Variants in KCNT2 observed in about 807,000 individuals in gnomAD.
KCNT2 encodes the protein potassium sodium-activated channel subfamily T member 2.
A neutral mutation model predicts 153.8 loss-of-function variants in KCNT2; 67 were observed. That is an observed-to-expected ratio of 0.44 (90% CI 0.36 to 0.53). KCNT2 has a LOEUF of 0.53. Among genes scored for constraint, KCNT2 ranks in the 20% least tolerant of loss-of-function variants. The pLI is 0.00. For synonymous variants in KCNT2, 500 were observed against 458.8 expected (o/e 1.09, Z -1.15); for missense variants, 975 against 1,354.8 (o/e 0.72, Z 4.40).
intron 14 of KCNT2, among the ~76,000 whole-genome samples, chr1:196,369,059 T>C (rs1668280571): frequency 6.6e-6 from 1 of 152,168 alleles, no homozygotes; most frequent in Admixed American, 6.6e-5. Context: ...TTATCAATTC[T>C]CTCTTTTTCT....
At chr1:196,536,220 G>A (rs1227804934) in intron 1 of KCNT2, among the ~76,000 whole-genome samples, 3 of 152,234 alleles carry the variant, frequency 2.0e-5, no homozygotes, top group African/African-American at 7.2e-5. Flanking sequence ...CCCCATACCT[G>A]GTGGAGAAAG....
intron 12 of KCNT2, among the ~76,000 whole-genome samples, chr1:196,420,112 T>G (rs1015287925): frequency 6.6e-6 from 1 of 152,030 alleles, no homozygotes; most frequent in Non-Finnish European, 1.5e-5. Context: ...TTCTTCATTC[T>G]TCAATGTTCT....
At chr1:196,302,323 T>C (rs776803090) in intron 22 of KCNT2, among the ~76,000 whole-genome samples, 2 of 152,068 alleles carry the variant, frequency 1.3e-5, no homozygotes, top group South Asian at 2.1e-4. Flanking sequence ...ATATTACTGA[T>C]TAAAAAAAAA....
chr1:196,599,187 G>A lies in KCNT2; in HGVS notation c.95+9028C>T, dbSNP rs549710513. On this transcript the variant is annotated intron_variant, in intron 1 of 27. Transcript: ENST00000294725. The stretch of plus-strand genomic sequence containing the variant: ...TTTGACAGACTTGAGACAGCAGGCT[G>A]TCCATTATTAAACTAGACATCTGGA... 1.4e-4 allele frequency among the ~76,000 whole-genome samples: 22 copies of A among 152,346 alleles called. 1 individual carries two copies. The South Asian group carries it at 3.9e-3, about 27-fold the overall frequency.
At chr1:196,340,273 AT>A in intron 16 of KCNT2, 67 bp downstream of exon 16, 8 of 964,502 alleles carry the variant, frequency 8.3e-6, no homozygotes, top group Non-Finnish European at 1.1e-5. Flanking sequence ...ATTTAAATGC[AT>A]TGGTATTTAT....
chr1:196,573,669 G>A (rs1314688225), intron 1 of KCNT2, among the ~76,000 whole-genome samples: 3 of 151,998 alleles, frequency 2.0e-5, no homozygotes, highest in Non-Finnish European at 4.4e-5. Flanking sequence ...ACGGAAGGAG[G>A]AAGAGGAGGG....
At chr1:196,350,000 T>A (rs2148208003) in intron 14 of KCNT2, among the ~76,000 whole-genome samples, 1 of 152,262 alleles carries the variant, frequency 6.6e-6, no homozygotes, top group African/African-American at 2.4e-5. Flanking sequence ...GAATGATAAT[T>A]TCCAATTTCA....
At chr1:196,330,887 G>A (rs1664393760) in intron 18 of KCNT2, among the ~76,000 whole-genome samples, 1 of 151,904 alleles carries the variant, frequency 6.6e-6, no homozygotes, top group South Asian at 2.1e-4. Context: ...GGTTCATAGG[G>A]ATGAGATTTG....
intron 1 of KCNT2, among the ~76,000 whole-genome samples, chr1:196,574,160 T>C (rs1661093619): frequency 6.6e-6 from 1 of 151,990 alleles, no homozygotes. Flanking sequence ...GAGAAAATAA[T>C]ATCTAATTTT....
intron 1 of KCNT2, among the ~76,000 whole-genome samples, chr1:196,597,681 C>T (rs780366789): frequency 3.0e-4 from 45 of 152,144 alleles, no homozygotes; most frequent in Admixed American, 5.9e-4. Flanking sequence ...ACCTCGCAAC[C>T]CATCTCCAGT....
intron 1 of KCNT2, among the ~76,000 whole-genome samples, chr1:196,567,445 C>A (rs1256342157): frequency 6.6e-6 from 1 of 152,132 alleles, no homozygotes; most frequent in Non-Finnish European, 1.5e-5. Flanking sequence ...CTGTTGTCAG[C>A]ATAAATCTCG....
intron 26 of KCNT2, among the ~76,000 whole-genome samples, chr1:196,238,412 G>A (rs1361724562): frequency 6.6e-6 from 1 of 151,816 alleles, no homozygotes; most frequent in African/African-American, 2.4e-5. Flanking sequence ...CAAGCATTTT[G>A]CTAAAGTTTT....
Position 196,430,904 on chromosome 1 carries a change from T to TCA in KCNT2, c.639-1148_639-1147insTG, listed in dbSNP as rs1674096014. ...GTATAATTGCTATGGTTTGAATGCT[T>TCA]GTGTCCCCTCCAAAATTCATGTTGA... On this transcript the variant is annotated intron_variant, in intron 8 of 27. Transcript: ENST00000294725. 2.0e-5 allele frequency among the ~76,000 whole-genome samples: 3 copies of TCA among 152,126 alleles called. No homozygotes were observed. In the South Asian group the frequency reaches 6.2e-4, roughly 32 times the overall value.
At chr1:196,449,715 T>C (rs1363085772) in intron 8 of KCNT2, among the ~76,000 whole-genome samples, 1 of 151,420 alleles carries the variant, frequency 6.6e-6, no homozygotes, top group Non-Finnish European at 1.5e-5. Context: ...AGAAAAGCAA[T>C]GAATCACAAT....
At chr1:196,374,129 C>A (rs1668754863) in intron 13 of KCNT2, among the ~76,000 whole-genome samples, 1 of 151,662 alleles carries the variant, frequency 6.6e-6, no homozygotes, top group African/African-American at 2.4e-5. Context: ...CCCAAATAAA[C>A]AAGTATAGCT....
intron 1 of KCNT2, among the ~76,000 whole-genome samples, chr1:196,574,440 TAAAC>T (rs1661127701): frequency 6.6e-6 from 1 of 151,856 alleles, no homozygotes; most frequent in South Asian, 2.1e-4. Context: ...TCATAGCTGT[TAAAC>T]AACTAACCAG....
At chr1:196,596,083 T>C (rs1043740920) in intron 1 of KCNT2, among the ~76,000 whole-genome samples, 1 of 114,124 alleles carries the variant, frequency 8.8e-6, no homozygotes, top group Non-Finnish European at 1.8e-5. Flanking sequence ...TATATATATA[T>C]ATATATATAT....
intron 14 of KCNT2, among the ~76,000 whole-genome samples, chr1:196,354,858 AT>A (rs1667042309): frequency 6.6e-6 from 1 of 151,792 alleles, no homozygotes; most frequent in African/African-American, 2.4e-5. Flanking sequence ...TTTTGCACTC[AT>A]GAATTACATT....
intron 17 of KCNT2, 144 bp from the exon 18 acceptor site, chr1:196,331,405 G>A: frequency 3.3e-6 from 2 of 607,744 alleles, no homozygotes; most frequent in East Asian, 5.8e-5. Flanking sequence ...TAGTTAAGAA[G>A]AGAGGTAGGC....
Sources: allele counts gnomAD v4.1 joint callset (sites outside exome capture counted in the v4.1 genomes callset), GRCh38; gene constraint gnomAD v4.1.1; transcripts MANE v1.5; gene names NCBI Gene and HGNC (gene_info 2026-07-23, HGNC 2026-07-21).